The following RHPN2 variants were observed in gnomAD, a reference collection of about 807,000 sequenced individuals.
RHPN2 encodes the protein rhophilin-2.
In RHPN2, 40 loss-of-function variants were observed where a neutral mutation model predicts 79.0. The observed-to-expected ratio is 0.51, with a 90% CI of 0.39 to 0.66. The LOEUF is 0.66. Among genes scored for constraint, RHPN2 ranks in the 30% least tolerant of loss-of-function variants. RHPN2 has a pLI of 0.00. For missense variants in RHPN2, 686 were observed against 883.5 expected, an observed-to-expected ratio of 0.78 and a Z score of 2.83; for synonymous variants, 285 against 363.5, an observed-to-expected ratio of 0.78 and a Z score of 2.46.
At chr19:33,003,394 G>A (rs1971766615) in intron 7 of RHPN2, among the ~76,000 whole-genome samples, 1 of 141,740 alleles carries the variant, frequency 7.1e-6, no homozygotes, top group African/African-American at 2.6e-5. Flanking sequence ...GAAAAGACAG[G>A]AGAAAAAAAA....
At position 33,011,770 on chromosome 19, in the gene RHPN2, C is replaced by A. The variant is rs1490735361; in HGVS notation, c.502G>T (p.Val168Leu). 1 of 1,613,978 alleles carries A rather than the reference C, an allele frequency of 6.2e-7. No homozygotes were observed. The highest frequency in any genetic ancestry group is 8.5e-7 in the Non-Finnish European group (1 of 1,179,868). ...ATGAAGTATGTCATCAGCAGTTCCA[C>A]CCCGGCCTCATCCCGGCTAGGCGTC... is the stretch of plus-strand genomic sequence containing the variant. ...CRTPSRDEAG[V>L]ELLMTYFIQL... is the part of the protein sequence containing the mutation. Residue 168 changes from valine to leucine, a missense_variant, in exon 6 of 15, where the codon GTG becomes TTG. Physicochemically the swap from Val to Leu is conservative, Grantham distance 32 (BLOSUM62 1). Coordinates refer to ENST00000254260, the MANE Select transcript of RHPN2 (RefSeq NM_033103.5).
chr19:33,010,527 G>A (rs1971827374), intron 6 of RHPN2, among the ~76,000 whole-genome samples: 1 of 151,556 alleles, frequency 6.6e-6, no homozygotes, highest in Admixed American at 6.6e-5. Context: ...CGACTACAAG[G>A]CACGCGCAAC....
At chr19:32,998,875 G>C (rs1199615401) in intron 10 of RHPN2, among the ~76,000 whole-genome samples, 1 of 139,702 alleles carries the variant, frequency 7.2e-6, no homozygotes, top group African/African-American at 2.7e-5. Context: ...CCAGAGGAGA[G>C]AGGAAAGGAG....
In RHPN2 at chr19:33,064,727, G is replaced by A. The variant is rs537052525; in HGVS notation, c.69+57C>T. 1.8e-4 allele frequency: 273 copies of A among 1,479,222 alleles called. 2 individuals are homozygous for A. The South Asian group carries it at 3.0e-3, about 16-fold the overall frequency. The allele number at this position is 1,479,222 out of a possible 1,614,324, so 91.6% of individuals were successfully genotyped here. A position where few individuals can be genotyped will look rare whatever the true frequency, so the allele number is the denominator to read the frequency against. On this transcript the variant is annotated intron_variant, in intron 1 of 14. Coordinates refer to ENST00000254260, the MANE Select transcript of RHPN2 (RefSeq NM_033103.5). ...CGCTCCCACGGCCCCTGCAGGGCCC[G>A]GGGGAAAGGAGGTCTGGAGCCCGCA...
At chr19:33,045,552 CA>C (rs1972135811) in intron 1 of RHPN2, among the ~76,000 whole-genome samples, 1 of 152,118 alleles carries the variant, frequency 6.6e-6, no homozygotes, top group South Asian at 2.1e-4. Flanking sequence ...CGGCTCACTG[CA>C]ACCTCTGCCT....
intron 2 of RHPN2, among the ~76,000 whole-genome samples, chr19:33,029,342 T>C (rs557413084): frequency 1.9e-4 from 29 of 151,412 alleles, no homozygotes; most frequent in African/African-American, 5.8e-4. Context: ...CTGGCTGACA[T>C]AGTGAAACCC....
intron 2 of RHPN2, among the ~76,000 whole-genome samples, chr19:33,043,837 T>C (rs1158907974): frequency 2.0e-5 from 3 of 152,094 alleles, no homozygotes; most frequent in Non-Finnish European, 4.4e-5. Flanking sequence ...AATAGAAATA[T>C]CCCCTCTCCT....
chr19:33,008,114 C>G lies in RHPN2; in HGVS notation c.660G>C (p.Leu220=). ...GGGTGTAGAGGGCCCCAGTGTTGAACAGGACACTGGCCTTCTCCAGCAGCA... is the reference window on the plus strand; with the variant it reads ...GGGTGTAGAGGGCCCCAGTGTTGAAGAGGACACTGGCCTTCTCCAGCAGCA... ...QNLLLEKASV[L]FNTGALYTQI... Residue 220 remains leucine, a synonymous_variant, in exon 7 of 15, where the codon CTG becomes CTC. Coordinates refer to ENST00000254260, the MANE Select transcript of RHPN2 (RefSeq NM_033103.5). The G allele has an allele frequency of 1.9e-6, 3 of 1,614,116 alleles. No homozygotes were observed. The highest frequency in any genetic ancestry group is 2.5e-6 in the Non-Finnish European group (3 of 1,179,994).
intron 7 of RHPN2, among the ~76,000 whole-genome samples, chr19:33,003,529 C>T (rs572713407): frequency 2.6e-5 from 4 of 152,106 alleles, no homozygotes; most frequent in African/African-American, 4.8e-5. Flanking sequence ...CTTGAACACC[C>T]GTGTTAATAG....
intron 2 of RHPN2, among the ~76,000 whole-genome samples, chr19:33,032,145 C>T (rs771099797): frequency 1.6e-4 from 25 of 151,602 alleles, no homozygotes; most frequent in Admixed American, 3.9e-4. Flanking sequence ...CTCAGGCTCC[C>T]GAGTAGCTGG....
intron 14 of RHPN2, among the ~76,000 whole-genome samples, chr19:32,983,162 A>AC (rs1971588921): frequency 1.5e-5 from 2 of 130,868 alleles, no homozygotes; most frequent in Non-Finnish European, 3.4e-5. Flanking sequence ...CACACACACA[A>AC]ACACACACAC....
At chr19:32,987,076 C>T (rs1209233349) in intron 14 of RHPN2, among the ~76,000 whole-genome samples, 1 of 151,660 alleles carries the variant, frequency 6.6e-6, no homozygotes, top group Non-Finnish European at 1.5e-5. Flanking sequence ...CAAGGTCTCG[C>T]CATGTTGCCC....
At chr19:33,001,184 G>A (rs1427635862) in intron 9 of RHPN2, among the ~76,000 whole-genome samples, 1 of 152,134 alleles carries the variant, frequency 6.6e-6, no homozygotes. Context: ...AGGAAGTCTG[G>A]CTCCAGAGGC....
intron 2 of RHPN2, chr19:33,026,952 C>T (rs1344487647): frequency 5.7e-6 from 2 of 352,654 alleles, no homozygotes; most frequent in African/African-American, 2.1e-5. Flanking sequence ...AAGATACCCA[C>T]TTGAAAAGAA....
chr19:33,014,636 T>C (rs1278799994), intron 4 of RHPN2, among the ~76,000 whole-genome samples: 1 of 149,334 alleles, frequency 6.7e-6, no homozygotes, highest in Non-Finnish European at 1.5e-5. Context: ...AACTTGGCCA[T>C]GGGCTGGGTA....
At chr19:33,023,437 GAAAAA>G (rs751212140) in intron 3 of RHPN2, among the ~76,000 whole-genome samples, 1 of 77,786 alleles carries the variant, frequency 1.3e-5, no homozygotes, top group Non-Finnish European at 2.6e-5. Context: ...TCCATCTCAG[GAAAAA>G]AAAAAAAAAA....
intron 11 of RHPN2, among the ~76,000 whole-genome samples, chr19:32,994,514 A>G (rs1360017180): frequency 6.6e-6 from 1 of 152,146 alleles, no homozygotes; most frequent in Non-Finnish European, 1.5e-5. Context: ...CCCCCGACCT[A>G]GGGTGAACTG....
intron 2 of RHPN2, among the ~76,000 whole-genome samples, chr19:33,037,569 A>G (rs1972068545): frequency 1.3e-5 from 2 of 151,714 alleles, no homozygotes; most frequent in African/African-American, 2.4e-5. Flanking sequence ...CTGCAGCTTC[A>G]CTCCTGAAGC....
rs769465069 is a variant in RHPN2, at chr19:33,047,578, G to A, written c.70-3214C>T. Among the ~76,000 whole-genome samples, 124 of 152,158 alleles carry A rather than the reference G, an allele frequency of 8.1e-4. 2 individuals are homozygous for A. Among genetic ancestry groups the A allele is most frequent in the Admixed American group, 4.6e-4 (7 of 15,262 alleles). On this transcript the variant is annotated intron_variant, in intron 1 of 14. Transcript: ENST00000254260. ...GGTCTGGCGGGTAGTATTACGTGGT[G>A]AAGAGACTGCCCTTTCTCTCTCCCT...
Sources: gnomAD v4.1 joint callset for allele counts (sites outside exome capture counted in the v4.1 genomes callset) on GRCh38, gnomAD v4.1.1 for gene constraint, MANE v1.5 for transcripts, NCBI Gene and HGNC (gene_info 2026-07-23, HGNC 2026-07-21) for gene names.